Variants in SHROOM3 observed in about 807,000 individuals in gnomAD.
The protein encoded by SHROOM3 is protein Shroom3.
Under a neutral mutation model 138.6 loss-of-function variants are expected in SHROOM3, and 47 were observed. That is an observed-to-expected ratio of 0.34 (90% CI 0.27 to 0.43). SHROOM3 has a LOEUF of 0.43. Among genes scored for constraint, SHROOM3 ranks in the 20% least tolerant of loss-of-function variants. The pLI, the probability that SHROOM3 is intolerant of heterozygous loss-of-function variation, is 1.00. For synonymous variants in SHROOM3, 1,062 were observed against 1,063.3 expected, an observed-to-expected ratio of 1.00 and a Z score of 0.02; for missense variants, 2,491 against 2,596.5, an observed-to-expected ratio of 0.96 and a Z score of 0.88.
chr4:76,696,517 A>G (rs960247484), intron 2 of SHROOM3, among the ~76,000 whole-genome samples: 2 of 152,122 alleles, frequency 1.3e-5, no homozygotes, highest in African/African-American at 4.8e-5. Context: ...CCCAGGCTTG[A>G]CATATCAGGG....
chr4:76,710,265 G>C lies in SHROOM3; in HGVS notation c.433G>C (p.Val145Leu), dbSNP rs540863066. The C allele has an allele frequency of 1.9e-6, 3 of 1,613,954 alleles. No individual in the cohort carries two copies. The highest frequency in any genetic ancestry group is 2.5e-6 in the Non-Finnish European group (3 of 1,179,932). Residue 145 changes from valine to leucine, a missense_variant, in exon 3 of 11, where the codon GTT (valine) becomes CTT (leucine). By Grantham distance (32) the Val-to-Leu change is conservative. Around this residue, in one of 4 missense-constraint regions of SHROOM3, gnomAD observed 284 missense variants for 322.8 expected, o/e 0.88. Transcript: ENST00000296043. Reference protein sequence around the residue: ...QHRKAAWSGGVKLRLKHRRSE... With the variant: ...QHRKAAWSGGLKLRLKHRRSE... ...CAGGAAAGCAGCGTGGTCAGGAGGG[G>C]TTAAACTTCGGCTGAAGCACAGGTA...
intron 2 of SHROOM3, among the ~76,000 whole-genome samples, chr4:76,627,585 T>G (rs1458198819): frequency 1.3e-5 from 2 of 152,122 alleles, no homozygotes; most frequent in African/African-American, 4.8e-5. Flanking sequence ...GTCAGCAACC[T>G]GTCTTCCTAA....
intron 1 of SHROOM3, among the ~76,000 whole-genome samples, chr4:76,485,660 G>A (rs1731714079): frequency 6.6e-6 from 1 of 152,246 alleles, no homozygotes; most frequent in Non-Finnish European, 1.5e-5. Flanking sequence ...CTCATGCTTT[G>A]CTTTGCACTC....
At chr4:76,700,694 G>A (rs962500702) in intron 2 of SHROOM3, among the ~76,000 whole-genome samples, 1 of 152,186 alleles carries the variant, frequency 6.6e-6, no homozygotes, top group Non-Finnish European at 1.5e-5. Context: ...TTGATTGAAT[G>A]AATGGATGAT....
At position 76,779,108 on chromosome 4, in the gene SHROOM3, G is replaced by A. The variant is rs375167696; in HGVS notation, c.5922G>A (p.Thr1974=). ...AGALALPPNL[T]SEPIPAGGCT... is the part of the protein sequence containing the mutation. ...CCCTGGCTCTGCCCCCAAACCTCAC[G>A]AGTGAGCCCATTCCTGCTGGGGGCT... is the stretch of plus-strand genomic sequence containing the variant. Residue 1974 remains threonine, a synonymous_variant, in exon 11 of 11, where the codon ACG becomes ACA. Transcript: ENST00000296043. 26 of 1,614,074 alleles carry A rather than the reference G, an allele frequency of 1.6e-5. No homozygotes were observed. Among genetic ancestry groups the A allele is most frequent in the Middle Eastern group, 1.6e-4 (1 of 6,084 alleles).
intron 1 of SHROOM3, among the ~76,000 whole-genome samples, chr4:76,465,469 G>C (rs1054341343): frequency 6.6e-6 from 1 of 152,132 alleles, no homozygotes; most frequent in Non-Finnish European, 1.5e-5. Flanking sequence ...GGCAATCTTT[G>C]CTCCAGGACT....
intron 10 of SHROOM3, among the ~76,000 whole-genome samples, chr4:76,774,708 G>GTTTTTTTTTT (rs1158392432): frequency 1.5e-5 from 2 of 133,446 alleles, no homozygotes; most frequent in African/African-American, 2.7e-5. Flanking sequence ...GGTTTTTTGG[G>GTTTTTTTTTT]GTTTTTTTTT....
intron 3 of SHROOM3, among the ~76,000 whole-genome samples, chr4:76,710,717 ATG>A (rs1720204682): frequency 6.6e-6 from 1 of 152,222 alleles, no homozygotes; most frequent in African/African-American, 2.4e-5. Flanking sequence ...TCTCGGAGGA[ATG>A]TCCCAAGATT....
intron 1 of SHROOM3, among the ~76,000 whole-genome samples, chr4:76,455,910 C>G (rs1731018094): frequency 6.6e-6 from 1 of 152,090 alleles, no homozygotes; most frequent in Non-Finnish European, 1.5e-5. Flanking sequence ...ATTTGGTACC[C>G]TACAGGTACC....
At chr4:76,695,238 G>A (rs1273485712) in intron 2 of SHROOM3, among the ~76,000 whole-genome samples, 1 of 152,114 alleles carries the variant, frequency 6.6e-6, no homozygotes, top group Non-Finnish European at 1.5e-5. Context: ...CCTGTGAGGT[G>A]GTCCTCTCTG....
chr4:76,653,925 G>A (rs956948280), intron 2 of SHROOM3, among the ~76,000 whole-genome samples: 16 of 151,972 alleles, frequency 1.1e-4, no homozygotes, highest in Non-Finnish European at 7.4e-5. Context: ...TAGGTTATGG[G>A]GATACAAAGA....
At chr4:76,458,928 A>C (rs932175620) in intron 1 of SHROOM3, among the ~76,000 whole-genome samples, 5 of 152,206 alleles carry the variant, frequency 3.3e-5, no homozygotes, top group Non-Finnish European at 5.9e-5. Flanking sequence ...AACTGTTCAA[A>C]ACTGGTTTTA....
intron 1 of SHROOM3, among the ~76,000 whole-genome samples, chr4:76,486,720 G>A (rs995290198): frequency 2.0e-5 from 3 of 152,062 alleles, no homozygotes; most frequent in Non-Finnish European, 4.4e-5. Context: ...AAGGAATGAC[G>A]CTCTCTATGG....
chr4:76,707,805 A>G (rs973500075), intron 2 of SHROOM3, among the ~76,000 whole-genome samples: 1 of 151,816 alleles, frequency 6.6e-6, no homozygotes, highest in Non-Finnish European at 1.5e-5. Context: ...TAATATAATG[A>G]ATTTTTAAAA....
chr4:76,535,466 A>T, intron 1 of SHROOM3, among the ~76,000 whole-genome samples: 1 of 152,152 alleles, frequency 6.6e-6, no homozygotes, highest in East Asian at 1.9e-4. Context: ...CTTTAGACTG[A>T]TTAGCACCAG....
intron 2 of SHROOM3, among the ~76,000 whole-genome samples, chr4:76,619,965 G>A (rs542676961): frequency 1.3e-5 from 2 of 151,766 alleles, no homozygotes; most frequent in African/African-American, 4.8e-5. Flanking sequence ...GGGAGGCTGA[G>A]GCAGGAGAAT....
In SHROOM3 at chr4:76,727,887, C is replaced by CAAAAAAAA. The variant is rs71212446; in HGVS notation, c.456-2915_456-2908dup. Among the ~76,000 whole-genome samples the CAAAAAAAA allele has an allele frequency of 5.4e-4, 52 of 96,256 alleles. 2 individuals are homozygous for CAAAAAAAA. In the East Asian group the frequency reaches 0.011, roughly 20 times the overall value. The allele number at this position is 96,256 out of a possible 152,430, so 63.1% of individuals were successfully genotyped here. A position where few individuals can be genotyped will look rare whatever the true frequency, so the allele number is the denominator to read the frequency against. On this transcript the variant is annotated intron_variant, in intron 3 of 10. Coordinates refer to ENST00000296043, the MANE Select transcript of SHROOM3 (RefSeq NM_020859.4). ...TGGGCGATAGAGCAAGACTCCATCT[C>CAAAAAAAA]AAAAAAAAAGGTTGATTCAACTTTA...
At chr4:76,484,901 G>A (rs1051014505) in intron 1 of SHROOM3, among the ~76,000 whole-genome samples, 4 of 152,206 alleles carry the variant, frequency 2.6e-5, no homozygotes, top group South Asian at 2.1e-4. Flanking sequence ...CAAACCTGTC[G>A]TCTTGAGAAG....
chr4:76,494,275 C>G (rs1731919727), intron 1 of SHROOM3, among the ~76,000 whole-genome samples: 1 of 151,880 alleles, frequency 6.6e-6, no homozygotes, highest in African/African-American at 2.4e-5. Flanking sequence ...TTATGCTCAT[C>G]ATTCAGTTGT....
Sources: allele counts gnomAD v4.1 joint callset (sites outside exome capture counted in the v4.1 genomes callset), GRCh38; gene constraint gnomAD v4.1.1; regional missense constraint gnomAD v4.1.1; transcripts MANE v1.5; gene names NCBI Gene and HGNC (gene_info 2026-07-23, HGNC 2026-07-21).